The following ESYT1 variants were observed in gnomAD, a reference collection of about 807,000 sequenced individuals.
The protein encoded by ESYT1 is extended synaptotagmin-1.
A neutral mutation model predicts 154.2 loss-of-function variants in ESYT1; 116 were observed. The ratio of observed to expected loss-of-function variants is 0.75; its 90% CI spans 0.65 to 0.88. ESYT1 has a LOEUF of 0.88. Ranked by LOEUF, ESYT1 falls within the 40% of genes least tolerant of loss-of-function variation. The pLI is 0.00. For missense variants in ESYT1, 1,264 were observed against 1,379.3 expected (o/e 0.92, Z 1.32); for synonymous variants, 500 against 539.9 (o/e 0.93, Z 1.02).
chr12:56,143,225 C>A lies in ESYT1; in HGVS notation c.3120-3C>A. The A allele has an allele frequency of 6.2e-7, 1 of 1,614,140 alleles. No homozygotes were observed. Among genetic ancestry groups the A allele is most frequent in the Non-Finnish European group, 8.5e-7 (1 of 1,180,004 alleles). On this transcript the variant is annotated splice_polypyrimidine_tract_variant and splice_region_variant and intron_variant, in intron 28 of 30. Coordinates refer to ENST00000394048, the MANE Select transcript of ESYT1 (RefSeq NM_015292.3). ...TGGCCCCTAACATCCAGTCCTACCC[C>A]AGGTTTGAGTGGGAACTCCCCCTGG... is the stretch of plus-strand genomic sequence containing the variant.
Position 56,137,578 on chromosome 12 carries a change from A to C in ESYT1, c.2018A>C (p.Lys673Thr). Reference protein sequence around the residue: ...DRFLGGLVKGKSDPYVKLKLA... With the variant: ...DRFLGGLVKGTSDPYVKLKLA... ...TTCTTGGGGGGACTGGTGAAGGGCA[A>C]GTCAGACCCCTATGTCAAACTAAAG... The change falls in exon 18 of 31, where the codon AAG becomes ACG. Residue 673 changes from lysine (K) to threonine (T), a missense_variant. Coordinates refer to ENST00000394048, the MANE Select transcript of ESYT1 (RefSeq NM_015292.3). 6.2e-7 allele frequency: 1 copy of C among 1,614,180 alleles called. No individual in the cohort carries two copies. The highest frequency in any genetic ancestry group is 8.5e-7 in the Non-Finnish European group (1 of 1,180,024).
rs1255888628 is a variant in ESYT1, at chr12:56,136,910, G to C, written c.1782+17G>C. ...GTCATGAGGGTATGGAAATAGAGGA[G>C]GTACTGAGGTGTGGGGGAAAGGCCT... On this transcript the variant is annotated intron_variant, in intron 16 of 30. Transcript: ENST00000394048. 1 of 1,566,742 alleles carries C rather than the reference G, an allele frequency of 6.4e-7. No homozygotes were observed. Among genetic ancestry groups the C allele is most frequent in the Non-Finnish European group, 8.7e-7 (1 of 1,154,466 alleles).
Position 56,136,945 on chromosome 12 carries a change from T to C in ESYT1, c.1782+52T>C, listed in dbSNP as rs768899506. The stretch of plus-strand genomic sequence containing the variant: ...TGTGGGGGAAAGGCCTGTTGATTCT[T>C]TGGTATTAAGAGTAAGGAAAGGGAC... On this transcript the variant is annotated intron_variant, in intron 16 of 30. Coordinates refer to ENST00000394048, the MANE Select transcript of ESYT1 (RefSeq NM_015292.3). 11 of 1,533,036 alleles carry C rather than the reference T, an allele frequency of 7.2e-6. No homozygotes were observed. In the Admixed American group the frequency reaches 2.3e-4, roughly 32 times the overall value. The allele number at this position is 1,533,036 out of a possible 1,614,324, so 95.0% of individuals were successfully genotyped here. A position where few individuals can be genotyped will look rare whatever the true frequency, so the allele number is the denominator to read the frequency against.
chr12:56,138,088 T>C lies in ESYT1; in HGVS notation c.2247+14T>C. The stretch of plus-strand genomic sequence containing the variant: ...TTCCTTGATGAGGTGAGCATTGAAT[T>C]AGAGTCAACAACCCCTCCTGATCCT... On this transcript the variant is annotated intron_variant, in intron 20 of 30. Coordinates refer to ENST00000394048, the MANE Select transcript of ESYT1 (RefSeq NM_015292.3). 1 of 1,614,116 alleles carries C rather than the reference T, an allele frequency of 6.2e-7. No homozygotes were observed. Among genetic ancestry groups the C allele is most frequent in the East Asian group, 2.2e-5 (1 of 44,886 alleles).
In ESYT1 at chr12:56,138,244, C is replaced by A. The variant is rs1467623939; in HGVS notation, c.2309C>A (p.Pro770His). Reference protein sequence around the residue: ...RLHLRLERLTPRPTAAELEEV... With the variant: ...RLHLRLERLTHRPTAAELEEV... ...CACTTGCGCCTGGAGCGTCTCACCC[C>A]CCGTCCCACTGCTGCTGAGTTAGAG... The change falls in exon 21 of 31, where the codon CCC becomes CAC. Residue 770 changes from proline (P) to histidine (H), a missense_variant. By Grantham distance (77) the Pro-to-His change is moderately conservative. Coordinates refer to ENST00000394048, the MANE Select transcript of ESYT1 (RefSeq NM_015292.3). 3 of 1,614,232 alleles carry A rather than the reference C, an allele frequency of 1.9e-6. No homozygotes were observed. The highest frequency in any genetic ancestry group is 1.7e-6 in the Non-Finnish European group (2 of 1,180,040).
In ESYT1 at chr12:56,138,444, C is replaced by T. The variant is rs140352451; in HGVS notation, c.2378C>T (p.Ala793Val). 53 of 1,613,208 alleles carry T rather than the reference C, an allele frequency of 3.3e-5. No individual in the cohort carries two copies. The highest frequency in any genetic ancestry group is 9.3e-5 in the African/African-American group (7 of 74,918). Residue 793 changes from alanine to valine, a missense_variant, in exon 22 of 31, where the codon GCG (alanine) becomes GTG (valine). By Grantham distance (64) the Ala-to-Val change is moderately conservative (BLOSUM62 0). Coordinates refer to ENST00000394048, the MANE Select transcript of ESYT1 (RefSeq NM_015292.3). Reference sequence around the variant, plus strand: ...AGTTTGATCCAGACTCAGAAGAGTGCGGAGCTGGCTGCGGCCCTGCTATCC... The same window carrying T: ...AGTTTGATCCAGACTCAGAAGAGTGTGGAGCTGGCTGCGGCCCTGCTATCC... ...VNSLIQTQKS[A>V]ELAAALLSIY...
Position 56,138,422 on chromosome 12 carries a change from T to C in ESYT1, c.2356T>C (p.Leu786=), listed in dbSNP as rs1870552474. 6.2e-7 allele frequency: 1 copy of C among 1,613,664 alleles called. No individual in the cohort carries two copies. The highest frequency in any genetic ancestry group is 8.5e-7 in the Non-Finnish European group (1 of 1,179,872). Residue 786 remains leucine (L), a synonymous_variant, in exon 22 of 31, where the codon TTG becomes CTG. Transcript: ENST00000394048. ...TCCACAGGTGCTGCAGGTGAATAGT[T>C]TGATCCAGACTCAGAAGAGTGCGGA... The part of the protein sequence containing the change: ...ELEEVLQVNS[L]IQTQKSAELA...
chr12:56,144,071 C>T lies in ESYT1; in HGVS notation c.*209C>T, dbSNP rs1870826587. On this transcript the variant is annotated 3_prime_UTR_variant, in exon 31 of 31. Coordinates refer to ENST00000394048, the MANE Select transcript of ESYT1 (RefSeq NM_015292.3). ...ACTGCACGGCCTTTATCCTTCTGGG[C>T]CCCTGGGGCGGGGACCTGAGCTGGC... 2 of 1,429,350 alleles carry T rather than the reference C, an allele frequency of 1.4e-6. No individual in the cohort carries two copies. The highest frequency in any genetic ancestry group is 2.9e-5 in the Admixed American group (1 of 34,792). The allele number at this position is 1,429,350 out of a possible 1,614,324, so 88.5% of individuals were successfully genotyped here.
At chr12:56,131,662 C>T in intron 6 of ESYT1, 87 bp from the exon 7 acceptor site, 1 of 1,603,816 alleles carries the variant, frequency 6.2e-7, no homozygotes, top group Non-Finnish European at 8.5e-7. Context: ...AGGGAACTGA[C>T]AAGAAGGCCG....
At chr12:56,135,225 A>G (rs1248448534) in intron 15 of ESYT1, among the ~76,000 whole-genome samples, 5 of 150,582 alleles carry the variant, frequency 3.3e-5, no homozygotes, top group Non-Finnish European at 7.4e-5. Context: ...CTGGAGTGCA[A>G]TGGCGTGGTC....
chr12:56,136,166 G>A (rs1870444511), intron 15 of ESYT1, among the ~76,000 whole-genome samples: 1 of 152,056 alleles, frequency 6.6e-6, no homozygotes. Context: ...TCAGAGAAAG[G>A]GATAGGCTGG....
In ESYT1 at chr12:56,142,108, AAAAG is replaced by A. The variant is rs1157255693; in HGVS notation, c.2593-176_2593-173del. 2.6e-4 allele frequency among the ~76,000 whole-genome samples: 39 copies of A among 152,068 alleles called. No individual in the cohort carries two copies. The highest frequency in any genetic ancestry group is 4.7e-4 in the Non-Finnish European group (32 of 67,988). ...GCGAAACTCTGTCTCAAAAAAAAAA[AAAAG>A]GAAGGAAGGACAGAGGGAGGGACTA... On this transcript the variant is annotated intron_variant, in intron 24 of 30. Coordinates refer to ENST00000394048, the MANE Select transcript of ESYT1 (RefSeq NM_015292.3). This position sits in a 1 kb window ranked among gnomAD's most constrained non-coding sequence, Gnocchi z 4.1.
intron 24 of ESYT1, among the ~76,000 whole-genome samples, chr12:56,139,720 C>T (rs1054890172): frequency 2.6e-5 from 4 of 151,692 alleles, no homozygotes; most frequent in African/African-American, 7.3e-5. Context: ...CTCAGCCTCC[C>T]GCGTACCTGG....
chr12:56,133,788 A>G lies in ESYT1; in HGVS notation c.1388A>G (p.Gln463Arg). ...ACTACCACCCCTCCCCAGGTTCTAC[A>G]GTGGAATTGGGGAGTCTCCTCTCGA... is the stretch of plus-strand genomic sequence containing the variant. ...SDAEKLEQVL[Q>R]WNWGVSSRPD... is the part of the protein sequence containing the mutation. The change falls in exon 13 of 31, where the codon CAG (glutamine) becomes CGG (arginine). Residue 463 changes from glutamine to arginine, a missense_variant. Physicochemically the swap from Gln to Arg is conservative, Grantham distance 43. Transcript: ENST00000394048. The G allele has an allele frequency of 6.2e-7, 1 of 1,614,144 alleles. No homozygotes were observed. Among genetic ancestry groups the G allele is most frequent in the Non-Finnish European group, 8.5e-7 (1 of 1,180,006 alleles).
At chr12:56,143,440 C>G in intron 29 of ESYT1, 107 bp downstream of exon 29, 1 of 1,452,370 alleles carries the variant, frequency 6.9e-7, no homozygotes, top group Non-Finnish European at 9.6e-7. Context: ...TTAGAGGTGA[C>G]TCACCTCTGC....
chr12:56,132,816 G>T lies in ESYT1; in HGVS notation c.1244+15G>T. On this transcript the variant is annotated intron_variant, in intron 10 of 30. Coordinates refer to ENST00000394048, the MANE Select transcript of ESYT1 (RefSeq NM_015292.3). The stretch of plus-strand genomic sequence containing the variant: ...TTTCTGGGCAGGTGAGACTCTGCCT[G>T]TTAGGATTCTAAAGCCCATGCTGGC... The T allele has an allele frequency of 1.9e-6, 3 of 1,610,510 alleles. No individual in the cohort carries two copies. The highest frequency in any genetic ancestry group is 2.5e-6 in the Non-Finnish European group (3 of 1,177,074).
At chr12:56,137,038 G>T in intron 16 of ESYT1, 145 bp downstream of exon 16, 1 of 1,307,038 alleles carries the variant, frequency 7.7e-7, no homozygotes, top group Non-Finnish European at 1.1e-6. Context: ...ATATTGATCT[G>T]ACTGGTGGAA....
Position 56,138,958 on chromosome 12 carries a change from A to C in ESYT1, c.2537A>C (p.Asp846Ala). The C allele has an allele frequency of 6.2e-7, 1 of 1,614,174 alleles. No homozygotes were observed. The highest frequency in any genetic ancestry group is 1.1e-5 in the South Asian group (1 of 91,084). ...TCGCAAACTTCAGCCCCTGTCTGGG[A>C]TGAGAGTGCCTCCTTTCTCATCAGG... is the stretch of plus-strand genomic sequence containing the variant. ...TISQTSAPVW[D>A]ESASFLIRKP... The change falls in exon 24 of 31, where the codon GAT (aspartate) becomes GCT (alanine). Residue 846 changes from aspartate to alanine, a missense_variant. By Grantham distance (126) the Asp-to-Ala change is moderately radical (BLOSUM62 -2). Coordinates refer to ENST00000394048, the MANE Select transcript of ESYT1 (RefSeq NM_015292.3).
chr12:56,133,120 CT>C (rs1341617723), intron 10 of ESYT1, among the ~76,000 whole-genome samples: 1 of 150,884 alleles, frequency 6.6e-6, no homozygotes, highest in African/African-American at 2.4e-5. Flanking sequence ...GACTCTGTCT[CT>C]AAAGAAAAAA....
Sources: gnomAD v4.1 joint callset for allele counts (sites outside exome capture counted in the v4.1 genomes callset) on GRCh38, gnomAD v4.1.1 for gene constraint, Gnocchi (gnomAD v3.1) non-coding constraint, MANE v1.5 for transcripts, NCBI Gene and HGNC (gene_info 2026-07-23, HGNC 2026-07-21) for gene names.